SOS1: variants seen among roughly 807,000 people sequenced by gnomAD.
The protein encoded by SOS1 is SOS Ras/Rac guanine nucleotide exchange factor 1, also known as son of sevenless homolog 1.
A neutral mutation model predicts 157.6 loss-of-function variants in SOS1; 25 were observed. The ratio of observed to expected loss-of-function variants is 0.16; its 90% CI spans 0.12 to 0.22. The LOEUF (loss-of-function observed/expected upper bound fraction) is 0.22, where lower values mean the gene tolerates loss of function less well. Ranked by LOEUF, SOS1 falls within the 10% of genes least tolerant of loss-of-function variation. The pLI is 1.00. For synonymous variants in SOS1, 528 were observed against 534.0 expected, an observed-to-expected ratio of 0.99 and a Z score of 0.16; for missense variants, 1,237 against 1,599.1, an observed-to-expected ratio of 0.77 and a Z score of 3.86.
At chr2:39,118,263 T>A (rs563180289) in intron 1 of SOS1, among the ~76,000 whole-genome samples, 1 of 151,942 alleles carries the variant, frequency 6.6e-6, no homozygotes, top group Non-Finnish European at 1.5e-5. Flanking sequence ...CAGGTAAGAG[T>A]AAGAGAACAC....
At chr2:39,083,939 T>C (rs934101879) in intron 1 of SOS1, among the ~76,000 whole-genome samples, 1 of 152,118 alleles carries the variant, frequency 6.6e-6, no homozygotes, top group African/African-American at 2.4e-5. Flanking sequence ...ATAAAGTCTT[T>C]AAAGAGGTAA....
At chr2:39,108,895 TAA>T (rs57642192) in intron 1 of SOS1, among the ~76,000 whole-genome samples, 20 of 145,416 alleles carry the variant, frequency 1.4e-4, no homozygotes, top group African/African-American at 3.5e-4. Context: ...CTGGTGTCTT[TAA>T]AAAAAAAAAA....
intron 1 of SOS1, among the ~76,000 whole-genome samples, chr2:39,109,682 G>A (rs892209445): frequency 3.3e-5 from 5 of 152,174 alleles, no homozygotes; most frequent in African/African-American, 1.2e-4. Context: ...ATAACATCTT[G>A]TGCAGTTTGT....
intron 1 of SOS1, among the ~76,000 whole-genome samples, chr2:39,117,632 G>T (rs1305320373): frequency 6.6e-6 from 1 of 152,228 alleles, no homozygotes; most frequent in Non-Finnish European, 1.5e-5. Flanking sequence ...CAACAATTCT[G>T]AGTGTGACAT....
At chr2:38,987,226 C>A (rs1030010601) in intron 22 of SOS1, among the ~76,000 whole-genome samples, 5 of 152,106 alleles carry the variant, frequency 3.3e-5, no homozygotes, top group African/African-American at 1.2e-4. Flanking sequence ...CAGATTAAAA[C>A]TTTTGTTTTT....
chr2:39,006,639 A>C, intron 16 of SOS1, 110 bp from the exon 17 acceptor site: 1 of 734,880 alleles, frequency 1.4e-6, no homozygotes, highest in Non-Finnish European at 2.5e-6. Context: ...ATTTGATTTT[A>C]TGACTGTAAC....
chr2:38,988,699 A>C (rs1250434203), intron 21 of SOS1, among the ~76,000 whole-genome samples: 1 of 152,188 alleles, frequency 6.6e-6, no homozygotes, highest in Non-Finnish European at 1.5e-5. Context: ...CAGCAAAAAA[A>C]TATTAGCTTA....
At chr2:38,999,596 G>A (rs1669024244) in intron 17 of SOS1, among the ~76,000 whole-genome samples, 1 of 152,138 alleles carries the variant, frequency 6.6e-6, no homozygotes. Flanking sequence ...GTAAGCACAG[G>A]CTTTTTTATT....
intron 8 of SOS1, among the ~76,000 whole-genome samples, chr2:39,029,498 A>C (rs901610708): frequency 1.3e-5 from 2 of 151,586 alleles, no homozygotes; most frequent in African/African-American, 4.8e-5. Flanking sequence ...GTGGCGCACA[A>C]CCAGAGTCCC....
At chr2:39,110,958 A>C (rs1673409783) in intron 1 of SOS1, among the ~76,000 whole-genome samples, 1 of 152,164 alleles carries the variant, frequency 6.6e-6, no homozygotes, top group African/African-American at 2.4e-5. Flanking sequence ...AAAATGGGCC[A>C]GGCATGGTGG....
At chr2:39,091,734 T>C (rs1472523022) in intron 1 of SOS1, among the ~76,000 whole-genome samples, 2 of 152,212 alleles carry the variant, frequency 1.3e-5, no homozygotes, top group African/African-American at 2.4e-5. Flanking sequence ...AGGGCTGTCA[T>C]GGTCACCAGG....
chr2:39,056,354 T>C (rs368343786), intron 4 of SOS1, among the ~76,000 whole-genome samples: 3 of 151,936 alleles, frequency 2.0e-5, no homozygotes, highest in South Asian at 4.2e-4. Context: ...GAGGCGGAGG[T>C]TGCAGTGAGC....
At chr2:39,037,936 T>C (rs912369806) in intron 6 of SOS1, among the ~76,000 whole-genome samples, 1 of 152,176 alleles carries the variant, frequency 6.6e-6, no homozygotes, top group African/African-American at 2.4e-5. Context: ...AAAATTTCTT[T>C]CAAAATATTG....
chr2:39,103,671 G>A (rs928899730), intron 1 of SOS1, among the ~76,000 whole-genome samples: 1 of 152,028 alleles, frequency 6.6e-6, no homozygotes, highest in African/African-American at 2.4e-5. Context: ...AAATATAAGA[G>A]CTAAAACCAT....
chr2:39,023,249 T>G, intron 9 of SOS1, 24 bp from the exon 10 acceptor site: 1 of 1,580,590 alleles, frequency 6.3e-7, no homozygotes, highest in Non-Finnish European at 8.7e-7. Flanking sequence ...AAAGACATTA[T>G]TAGTACATAG....
chr2:39,118,490 A>C (rs1358817487), intron 1 of SOS1, among the ~76,000 whole-genome samples: 1 of 152,232 alleles, frequency 6.6e-6, no homozygotes, highest in East Asian at 1.9e-4. Flanking sequence ...CATATCAGCT[A>C]GATTATGTAC....
chr2:39,120,169 CG>C (rs1225808512), intron 1 of SOS1, among the ~76,000 whole-genome samples, 166 bp downstream of exon 1: 1 of 152,110 alleles, frequency 6.6e-6, no homozygotes, highest in Non-Finnish European at 1.5e-5. Flanking sequence ...ATGTCAACAC[CG>C]AGAGCCAGCC....
At chr2:39,120,294 G>A (rs769424182) in intron 1 of SOS1, 42 bp downstream of exon 1, 3 of 1,525,474 alleles carry the variant, frequency 2.0e-6, no homozygotes, top group Non-Finnish European at 2.6e-6. Context: ...CGCCCGCGCT[G>A]GGGGGCTGCG....
At chr2:39,000,968 C>G (rs1217972133) in intron 17 of SOS1, among the ~76,000 whole-genome samples, 1 of 152,200 alleles carries the variant, frequency 6.6e-6, no homozygotes, top group Non-Finnish European at 1.5e-5. Context: ...GACACAAGAT[C>G]AGAGCTGTGT....
Sources: allele counts gnomAD v4.1 joint callset (sites outside exome capture counted in the v4.1 genomes callset), GRCh38; gene constraint gnomAD v4.1.1; transcripts MANE v1.5; gene names NCBI Gene and HGNC (gene_info 2026-07-23, HGNC 2026-07-21).